IL6ST: variants seen among roughly 807,000 people sequenced by gnomAD.
IL6ST encodes interleukin-6 receptor subunit beta.
Under a neutral mutation model 91.3 loss-of-function variants are expected in IL6ST, and 24 were observed. That is an observed-to-expected ratio of 0.26 (90% CI 0.19 to 0.37). IL6ST has a LOEUF of 0.37. Among genes scored for constraint, IL6ST ranks in the 10% least tolerant of loss-of-function variants. The pLI is 1.00. For synonymous variants in IL6ST, 351 were observed against 373.6 expected (o/e 0.94, Z 0.70); for missense variants, 914 against 1,078.5 (o/e 0.85, Z 2.14).
intron 1 of IL6ST, among the ~76,000 whole-genome samples, chr5:55,991,441 T>C (rs1754324734): frequency 6.6e-6 from 1 of 152,124 alleles, no homozygotes; most frequent in South Asian, 2.1e-4. Flanking sequence ...TCCCATAATA[T>C]CTTTCCCACC....
chr5:55,976,410 A>G, intron 2 of IL6ST, 117 bp from the exon 3 acceptor site: 1 of 475,126 alleles, frequency 2.1e-6, no homozygotes, highest in East Asian at 3.6e-5. Flanking sequence ...TAAAATTCTT[A>G]TGAGAATGTA....
At chr5:55,947,153 C>T (rs777836666) in intron 15 of IL6ST, among the ~76,000 whole-genome samples, 1 of 151,918 alleles carries the variant, frequency 6.6e-6, no homozygotes, top group Non-Finnish European at 1.5e-5. Context: ...GAACTGAGAT[C>T]GCACCACTGC....
intron 2 of IL6ST, among the ~76,000 whole-genome samples, chr5:55,982,420 A>G (rs186722371): frequency 8.5e-4 from 130 of 152,290 alleles, no homozygotes; most frequent in African/African-American, 2.9e-3. Flanking sequence ...AAATTTCTAT[A>G]TATCTTTCAC....
At chr5:55,978,209 T>C (rs1464447012) in intron 2 of IL6ST, 1 of 152,196 alleles carries the variant, frequency 6.6e-6, no homozygotes, top group Non-Finnish European at 1.5e-5. Flanking sequence ...TTGCGCCAGC[T>C]GCTTGAGTCC....
intron 5 of IL6ST, among the ~76,000 whole-genome samples, chr5:55,966,682 G>C (rs1423241211): frequency 6.6e-6 from 1 of 152,134 alleles, no homozygotes; most frequent in Non-Finnish European, 1.5e-5. Flanking sequence ...TTGAGAGATG[G>C]AGAGAAGGAT....
At chr5:55,988,798 C>G (rs1754141194) in intron 1 of IL6ST, among the ~76,000 whole-genome samples, 1 of 147,394 alleles carries the variant, frequency 6.8e-6, no homozygotes, top group African/African-American at 2.5e-5. Context: ...TCCTACATAC[C>G]AGTAATAACT....
intron 16 of IL6ST, 139 bp downstream of exon 16, chr5:55,942,531 A>C: frequency 1.9e-6 from 1 of 518,204 alleles, no homozygotes; most frequent in Non-Finnish European, 3.5e-6. Flanking sequence ...TTTTATCTTC[A>C]TTTACTTTTT....
Position 55,936,537 on chromosome 5 carries a change from C to T in IL6ST, c.*4545G>A. 1 of 207,654 alleles carries T rather than the reference C, an allele frequency of 4.8e-6. No individual in the cohort carries two copies. The highest frequency in any genetic ancestry group is 7.3e-5 in the East Asian group (1 of 13,674). The allele number at this position is 207,654 out of a possible 1,614,324, so 12.9% of individuals were successfully genotyped here. ...TATGTCATTTAAAATGTCACAAAAC[C>T]CACACGAAGCATCTCATTTACACTA... On this transcript the variant is annotated 3_prime_UTR_variant, in exon 17 of 17. Coordinates refer to ENST00000381298, the MANE Select transcript of IL6ST (RefSeq NM_002184.4).
At position 55,951,968 on chromosome 5, in the gene IL6ST, A is replaced by T; in HGVS notation, c.1660T>A (p.Tyr554Asn). The change falls in exon 13 of 17, where the codon TAT (tyrosine) becomes AAT (asparagine). Residue 554 changes from tyrosine to asparagine, a missense_variant. By Grantham distance (143) the Tyr-to-Asn change is moderately radical. Transcript: ENST00000381298. ...VDVQNGFIRN[Y>N]TIFYRTIIGN... is the part of the protein sequence containing the mutation. ...ATGATGGTTCTATAAAATATAGTAT[A>T]ATTTCTGATAAATCCATTCTGAACA... The T allele has an allele frequency of 6.6e-7, 1 of 1,511,908 alleles. No homozygotes were observed. The highest frequency in any genetic ancestry group is 9.2e-7 in the Non-Finnish European group (1 of 1,088,346). The allele number at this position is 1,511,908 out of a possible 1,614,324, so 93.7% of individuals were successfully genotyped here.
At chr5:55,979,087 T>C (rs1308954676) in intron 2 of IL6ST, among the ~76,000 whole-genome samples, 1 of 151,946 alleles carries the variant, frequency 6.6e-6, no homozygotes, top group Admixed American at 6.6e-5. Context: ...TCATATATAA[T>C]ACAGAATGAA....
intron 1 of IL6ST, among the ~76,000 whole-genome samples, chr5:55,992,692 T>C (rs776832566): frequency 6.6e-6 from 1 of 152,226 alleles, no homozygotes; most frequent in Non-Finnish European, 1.5e-5. Context: ...TCGCTATTAT[T>C]AATGGGCTGT....
intron 1 of IL6ST, among the ~76,000 whole-genome samples, chr5:55,985,251 C>T (rs986576497): frequency 6.6e-6 from 1 of 152,120 alleles, no homozygotes; most frequent in African/African-American, 2.4e-5. Flanking sequence ...CGCAGTAGCT[C>T]ACACTTGTAA....
In IL6ST at chr5:55,951,987, C is replaced by T. The variant is rs1254787106; in HGVS notation, c.1641G>A (p.Gln547=). The T allele has an allele frequency of 3.9e-5, 61 of 1,566,176 alleles. No homozygotes were observed. The highest frequency in any genetic ancestry group is 5.2e-5 in the Non-Finnish European group (59 of 1,136,924). ...TAGTATAATTTCTGATAAATCCATT[C>T]TGAACATCAACAGGAAGTTGGTCCC... ...LEWDQLPVDV[Q]NGFIRNYTIF... Residue 547 remains glutamine, a synonymous_variant, in exon 13 of 17, where the codon CAG becomes CAA. Transcript: ENST00000381298.
Position 55,938,133 on chromosome 5 carries a change from G to T in IL6ST, c.*2949C>A. 5.3e-6 allele frequency: 1 copy of T among 189,840 alleles called. No individual in the cohort carries two copies. The highest frequency in any genetic ancestry group is 1.1e-5 in the Non-Finnish European group (1 of 90,368). 11.8% of individuals were successfully genotyped at this position (189,840 alleles called of 1,614,324 possible). A position where few individuals can be genotyped will look rare whatever the true frequency, so the allele number is the denominator to read the frequency against. ...CATTTTAAAGTTGTAACATTTCTAAGTATACTCCACTAACTTCACAATAAG... is the reference window on the plus strand; with the variant it reads ...CATTTTAAAGTTGTAACATTTCTAATTATACTCCACTAACTTCACAATAAG... On this transcript the variant is annotated 3_prime_UTR_variant, in exon 17 of 17. Transcript: ENST00000381298.
chr5:55,994,214 A>G (rs575971564), intron 1 of IL6ST: 7 of 152,250 alleles, frequency 4.6e-5, no homozygotes, highest in Admixed American at 3.3e-4. Context: ...AAAATTTTAA[A>G]AACTGATTTG....
At chr5:55,951,190 C>T (rs1259655445) in intron 14 of IL6ST, among the ~76,000 whole-genome samples, 1 of 151,902 alleles carries the variant, frequency 6.6e-6, no homozygotes, top group Non-Finnish European at 1.5e-5. Context: ...AAAGAACACA[C>T]CCAAACCAGT....
At chr5:55,981,650 T>TA (rs553516217) in intron 2 of IL6ST, among the ~76,000 whole-genome samples, 26 of 147,104 alleles carry the variant, frequency 1.8e-4, no homozygotes, top group Non-Finnish European at 2.1e-4. Context: ...CTCAAAAAAA[T>TA]AAAAAAAAAA....
chr5:55,955,176 C>T (rs1047496039), intron 10 of IL6ST, among the ~76,000 whole-genome samples, 184 bp from the exon 11 acceptor site: 1 of 152,102 alleles, frequency 6.6e-6, no homozygotes, highest in African/African-American at 2.4e-5. Flanking sequence ...TTTGCTTCCC[C>T]GCTGGGCACT....
chr5:55,944,803 G>C, intron 15 of IL6ST: 1 of 676,106 alleles, frequency 1.5e-6, no homozygotes, highest in Non-Finnish European at 2.7e-6. Flanking sequence ...GGGGATGCTG[G>C]TACAAGTTGT....
Sources: allele counts gnomAD v4.1 joint callset (sites outside exome capture counted in the v4.1 genomes callset), GRCh38; gene constraint gnomAD v4.1.1; transcripts MANE v1.5; gene names NCBI Gene and HGNC (gene_info 2026-07-23, HGNC 2026-07-21).